The following APLF variants were observed in gnomAD, a reference collection of about 807,000 sequenced individuals.
APLF encodes aprataxin and PNKP like factor.
Under a neutral mutation model 55.6 loss-of-function variants are expected in APLF, and 61 were observed. That is an observed-to-expected ratio of 1.10 (90% CI 0.89 to 1.36). The LOEUF (loss-of-function observed/expected upper bound fraction) is 1.36. Ranked by LOEUF, APLF falls within the 40% of genes most tolerant of loss-of-function variation. The pLI, the probability that APLF is intolerant of heterozygous loss-of-function variation, is 0.00. For missense variants in APLF, 611 were observed against 602.5 expected (o/e 1.01, Z -0.15); for synonymous variants, 207 against 214.8 (o/e 0.96, Z 0.32).
intron 2 of APLF, among the ~76,000 whole-genome samples, chr2:68,502,166 C>A (rs6715340): frequency 8.6e-4 from 131 of 152,136 alleles, no homozygotes; most frequent in African/African-American, 3.0e-3. Flanking sequence ...CCCTTATGAC[C>A]TACATGTTAA....
chr2:68,543,772 C>T (rs1427212096), intron 7 of APLF, among the ~76,000 whole-genome samples: 1 of 152,038 alleles, frequency 6.6e-6, no homozygotes, highest in East Asian at 1.9e-4. Context: ...TGAAAACGTA[C>T]TTACTGCTAC....
chr2:68,504,665 C>G (rs1331221281), intron 3 of APLF, among the ~76,000 whole-genome samples: 1 of 151,846 alleles, frequency 6.6e-6, no homozygotes, highest in Admixed American at 6.6e-5. Flanking sequence ...AGTTCTTCCC[C>G]TAAGATTGGG....
intron 1 of APLF, among the ~76,000 whole-genome samples, chr2:68,474,821 A>G (rs1675721768): frequency 6.6e-6 from 1 of 152,184 alleles, no homozygotes; most frequent in Admixed American, 6.5e-5. Flanking sequence ...GGCATGTGCC[A>G]CCACAACCGG....
intron 5 of APLF, among the ~76,000 whole-genome samples, chr2:68,524,415 C>T (rs1669975796): frequency 6.6e-6 from 1 of 152,178 alleles, no homozygotes; most frequent in Non-Finnish European, 1.5e-5. Context: ...AAGCAAACTA[C>T]AGCCCATGGG....
Position 68,529,376 on chromosome 2 carries a change from G to C in APLF, c.804+3134G>C. On this transcript the variant is annotated intron_variant, in intron 6 of 9. Transcript: ENST00000303795. This position sits in a 1 kb window ranked among gnomAD's most constrained non-coding sequence, Gnocchi z 4.4. The stretch of plus-strand genomic sequence containing the variant: ...GGGGTGAGCCCGGCCAGCTGGGAAG[G>C]CCTCACGGACAAGACGAGCAGGTTG... The C allele has an allele frequency of 3.9e-6, 5 of 1,297,128 alleles. No individual in the cohort carries two copies. The highest frequency in any genetic ancestry group is 2.3e-5 in the South Asian group (1 of 43,362). The allele number at this position is 1,297,128 out of a possible 1,614,324, so 80.4% of individuals were successfully genotyped here.
chr2:68,472,063 T>G (rs1257728360), intron 1 of APLF, among the ~76,000 whole-genome samples: 1 of 152,168 alleles, frequency 6.6e-6, no homozygotes, highest in African/African-American at 2.4e-5. Flanking sequence ...TGGTTGACAA[T>G]TAGTTGAGTT....
chr2:68,488,756 A>G (rs1355074349), intron 1 of APLF, among the ~76,000 whole-genome samples: 1 of 152,152 alleles, frequency 6.6e-6, no homozygotes, highest in African/African-American at 2.4e-5. Flanking sequence ...AGCTATGGCA[A>G]TGTTATGTTG....
intron 8 of APLF, among the ~76,000 whole-genome samples, chr2:68,566,518 A>T (rs1455515612): frequency 6.6e-6 from 1 of 152,132 alleles, no homozygotes; most frequent in African/African-American, 2.4e-5. Flanking sequence ...AACATTTGTC[A>T]TGTAAAAATA....
Position 68,538,165 on chromosome 2 carries a change from A to G in APLF, c.1098A>G (p.Leu366=), listed in dbSNP as rs929941134. The G allele has an allele frequency of 3.2e-5, 52 of 1,613,910 alleles. No homozygotes were observed. Among genetic ancestry groups the G allele is most frequent in the Non-Finnish European group, 4.1e-5 (48 of 1,179,980 alleles). Residue 366 remains leucine (L), a synonymous_variant, in exon 7 of 10, where the codon CTA becomes CTG. Coordinates refer to ENST00000303795, the MANE Select transcript of APLF (RefSeq NM_173545.3). ...TLHAKATDSV[L]QGSEGNKVKR... ...ATGCAAAGGCAACTGATTCAGTTCTACAAGGTTCTGAAGGAAACAAGGTCA... is the reference window on the plus strand; with the variant it reads ...ATGCAAAGGCAACTGATTCAGTTCTGCAAGGTTCTGAAGGAAACAAGGTCA...
intron 6 of APLF, 61 bp from the exon 7 acceptor site, chr2:68,537,811 T>C (rs370173097): frequency 8.5e-5 from 106 of 1,242,672 alleles, no homozygotes; most frequent in African/African-American, 8.5e-4. Context: ...TGTGCTGTTA[T>C]GCTCATATCT....
intron 8 of APLF, chr2:68,563,006 A>T: frequency 1.1e-6 from 1 of 946,994 alleles, no homozygotes; most frequent in Non-Finnish European, 1.3e-6. Context: ...CCCAACAGCA[A>T]ATTTTTGAGC....
At chr2:68,473,367 G>A (rs1365705243) in intron 1 of APLF, among the ~76,000 whole-genome samples, 1 of 152,104 alleles carries the variant, frequency 6.6e-6, no homozygotes, top group Non-Finnish European at 1.5e-5. Context: ...TTTTAGTGAT[G>A]AATAATATTC....
chr2:68,538,526 T>A (rs1474651572), intron 7 of APLF, among the ~76,000 whole-genome samples: 1 of 140,046 alleles, frequency 7.1e-6, no homozygotes, highest in Non-Finnish European at 1.6e-5. Flanking sequence ...ATACCTGTTA[T>A]TTAGTCTTTT....
rs763596754 is a variant in APLF, at chr2:68,513,686, T to A, written c.622+6T>A. 11 of 1,608,896 alleles carry A rather than the reference T, an allele frequency of 6.8e-6. No individual in the cohort carries two copies. The highest frequency in any genetic ancestry group is 1.7e-5 in the Admixed American group (1 of 59,210). ...AGTACCAGCAATCAGTGGAGGTAGG[T>A]TTTTGTTTCTACTAATGCTGACTTT... On this transcript the variant is annotated splice_donor_region_variant and intron_variant, in intron 5 of 9. Coordinates refer to ENST00000303795, the MANE Select transcript of APLF (RefSeq NM_173545.3).
intron 8 of APLF, among the ~76,000 whole-genome samples, chr2:68,562,770 T>G (rs1160312198): frequency 6.6e-6 from 1 of 152,004 alleles, no homozygotes; most frequent in East Asian, 1.9e-4. Context: ...CTGCTAATAA[T>G]TGGCACTGAG....
At chr2:68,544,287 T>C (rs1670638791) in intron 7 of APLF, among the ~76,000 whole-genome samples, 1 of 152,062 alleles carries the variant, frequency 6.6e-6, no homozygotes, top group African/African-American at 2.4e-5. Flanking sequence ...CCCAAAAGTA[T>C]TTTCATAATA....
intron 5 of APLF, among the ~76,000 whole-genome samples, chr2:68,519,262 A>T (rs1428146952): frequency 1.4e-5 from 2 of 138,028 alleles, no homozygotes; most frequent in Non-Finnish European, 1.5e-5. Context: ...TTTATATATA[A>T]TATAATATAT....
chr2:68,560,494 T>G (rs1258079265), intron 8 of APLF, among the ~76,000 whole-genome samples: 3 of 152,170 alleles, frequency 2.0e-5, no homozygotes, highest in Non-Finnish European at 4.4e-5. Context: ...TGGAAAAATT[T>G]ATAAACTACT....
chr2:68,534,512 G>A (rs758535925), intron 6 of APLF, among the ~76,000 whole-genome samples: 3 of 152,108 alleles, frequency 2.0e-5, no homozygotes, highest in Non-Finnish European at 4.4e-5. Flanking sequence ...TGGTTGAGGG[G>A]CAGGGGAATG....
Sources: gnomAD v4.1 joint callset for allele counts (sites outside exome capture counted in the v4.1 genomes callset) on GRCh38, gnomAD v4.1.1 for gene constraint, Gnocchi (gnomAD v3.1) non-coding constraint, MANE v1.5 for transcripts, NCBI Gene and HGNC (gene_info 2026-07-23, HGNC 2026-07-21) for gene names.